The following CDH4 variants were observed in gnomAD, a reference collection of about 807,000 sequenced individuals.
CDH4 encodes cadherin-4.
In CDH4, 33 loss-of-function variants were observed where a neutral mutation model predicts 86.0. The observed-to-expected ratio is 0.38, with a 90% CI of 0.29 to 0.51. The LOEUF is 0.51. Among genes scored for constraint, CDH4 ranks in the 20% least tolerant of loss-of-function variants. CDH4 has a pLI of 0.86. For synonymous variants in CDH4, 555 were observed against 549.4 expected (o/e 1.01, Z -0.14); for missense variants, 1,114 against 1,307.4 (o/e 0.85, Z 2.28).
intron 2 of CDH4, among the ~76,000 whole-genome samples, chr20:61,523,184 A>C (rs1433554286): frequency 1.3e-5 from 2 of 152,190 alleles, no homozygotes; most frequent in Non-Finnish European, 2.9e-5. Context: ...TCCATGCCAG[A>C]ACGGTGCCTC....
At chr20:61,422,966 A>G (rs1173643183) in intron 2 of CDH4, among the ~76,000 whole-genome samples, 1 of 152,148 alleles carries the variant, frequency 6.6e-6, no homozygotes, top group Non-Finnish European at 1.5e-5. Flanking sequence ...TTGGGCTTAA[A>G]ACCTTACACG....
intron 4 of CDH4, among the ~76,000 whole-genome samples, chr20:61,836,230 G>A (rs1359012984): frequency 3.9e-5 from 6 of 152,316 alleles, no homozygotes; most frequent in Admixed American, 6.5e-5. Flanking sequence ...TGACGCCCCC[G>A]GAGTGAACTG....
chr20:61,313,015 C>T (rs1281277806), intron 2 of CDH4, among the ~76,000 whole-genome samples: 1 of 152,176 alleles, frequency 6.6e-6, no homozygotes, highest in Non-Finnish European at 1.5e-5. Context: ...TTGCGGTGAG[C>T]CCTTCCCTAT....
chr20:61,276,924 G>A (rs2084234447), intron 2 of CDH4, among the ~76,000 whole-genome samples: 1 of 152,162 alleles, frequency 6.6e-6, no homozygotes, highest in South Asian at 2.1e-4. Context: ...GGATCCTAGA[G>A]ACTCTCAGGT....
intron 9 of CDH4, 64 bp downstream of exon 9, chr20:61,910,671 CCAGT>C (rs1160509697): frequency 2.8e-6 from 4 of 1,420,652 alleles, no homozygotes; most frequent in Non-Finnish European, 4.0e-6. Context: ...CTCCCTAGGA[CCAGT>C]CAAACAGGAG....
At position 61,777,796 on chromosome 20, in the gene CDH4, A is replaced by G. The variant is rs994423354; in HGVS notation, c.576+4614A>G. On this transcript the variant is annotated intron_variant, in intron 4 of 15. Transcript: ENST00000614565. ...CAAAAACACACATCCACATGCGCAC[A>G]CACGTGCATACAAAAACACACATCC... Among the ~76,000 whole-genome samples the G allele has an allele frequency of 3.0e-4, 45 of 151,872 alleles. 1 individual carries two copies. The highest frequency in any genetic ancestry group is 5.2e-4 in the Non-Finnish European group (35 of 67,920).
chr20:61,482,362 T>A (rs2085572796), intron 2 of CDH4, among the ~76,000 whole-genome samples: 2 of 152,194 alleles, frequency 1.3e-5, no homozygotes, highest in Non-Finnish European at 2.9e-5. Flanking sequence ...ACCACACAGA[T>A]CTTTCTGGCA....
At chr20:61,566,134 G>A (rs140052522) in intron 2 of CDH4, among the ~76,000 whole-genome samples, 41 of 152,232 alleles carry the variant, frequency 2.7e-4, no homozygotes, top group Admixed American at 1.5e-3. Context: ...TCTCGTCCCC[G>A]ACAGACTCAC....
rs537981773 is a variant in CDH4 at position 61,857,365 on chromosome 20, C to T, written c.877+4467C>T. On this transcript the variant is annotated intron_variant, in intron 6 of 15. Transcript: ENST00000614565. ...TGGGAGAAGGCCCTGCTGGGTGACCCGCAGACCCGTACCACAGACGTTTTC... is the reference window on the plus strand; with the variant it reads ...TGGGAGAAGGCCCTGCTGGGTGACCTGCAGACCCGTACCACAGACGTTTTC... Among the ~76,000 whole-genome samples the T allele has an allele frequency of 3.9e-5, 6 of 152,370 alleles. No individual in the cohort carries two copies. In the East Asian group the frequency reaches 5.8e-4, roughly 15 times the overall value.
chr20:61,444,345 G>A (rs375149916), intron 2 of CDH4, among the ~76,000 whole-genome samples: 9 of 10,750 alleles, frequency 8.4e-4, no homozygotes, highest in South Asian at 3.2e-3. Flanking sequence ...CTCTGTGTGT[G>A]TCTGTGTATA....
At chr20:61,363,678 G>A (rs1449581551) in intron 2 of CDH4, among the ~76,000 whole-genome samples, 1 of 152,148 alleles carries the variant, frequency 6.6e-6, no homozygotes, top group East Asian at 1.9e-4. Flanking sequence ...CAGGCCAGAA[G>A]GTGAGAAAGT....
At chr20:61,338,204 C>T (rs904893473) in intron 2 of CDH4, among the ~76,000 whole-genome samples, 1 of 152,050 alleles carries the variant, frequency 6.6e-6, no homozygotes, top group African/African-American at 2.4e-5. Flanking sequence ...TTCAACTATT[C>T]ATTTTCTACA....
At chr20:61,522,090 C>T (rs1160450419) in intron 2 of CDH4, among the ~76,000 whole-genome samples, 2 of 152,234 alleles carry the variant, frequency 1.3e-5, no homozygotes, top group African/African-American at 4.8e-5. Context: ...CGCAGGCCTT[C>T]TCCTGAATTC....
intron 2 of CDH4, among the ~76,000 whole-genome samples, chr20:61,644,181 G>T (rs1211066014): frequency 2.6e-5 from 4 of 152,194 alleles, no homozygotes; most frequent in Non-Finnish European, 2.9e-5. Flanking sequence ...TGAATGAGCT[G>T]AGCTTTGCCA....
At chr20:61,356,962 A>G (rs756169432) in intron 2 of CDH4, among the ~76,000 whole-genome samples, 1 of 152,216 alleles carries the variant, frequency 6.6e-6, no homozygotes, top group Admixed American at 6.5e-5. Flanking sequence ...AAGGCAGCCC[A>G]TGTGCTAAGA....
intron 4 of CDH4, among the ~76,000 whole-genome samples, chr20:61,779,422 G>A (rs548328151): frequency 4.6e-5 from 7 of 152,336 alleles, no homozygotes; most frequent in South Asian, 4.1e-4. Context: ...CGGAGCCTGC[G>A]AGGTGCTTAG....
chr20:61,559,244 G>A lies in CDH4; in HGVS notation c.170-184319G>A, dbSNP rs1319224390. 1.3e-5 allele frequency among the ~76,000 whole-genome samples: 2 copies of A among 152,134 alleles called. 1 individual carries two copies. The highest frequency in any genetic ancestry group is 2.9e-5 in the Non-Finnish European group (2 of 68,032). ...GAGGCAGGAGAATTGCCTGAGCCTGGGAAACGGAGGTTGCAGTAAGCCAAG... is the reference window on the plus strand; with the variant it reads ...GAGGCAGGAGAATTGCCTGAGCCTGAGAAACGGAGGTTGCAGTAAGCCAAG... On this transcript the variant is annotated intron_variant, in intron 2 of 15. Transcript: ENST00000614565.
chr20:61,538,481 C>T (rs1477620086), intron 2 of CDH4, among the ~76,000 whole-genome samples: 1 of 152,236 alleles, frequency 6.6e-6, no homozygotes, highest in Non-Finnish European at 1.5e-5. Context: ...CTCCTGACCT[C>T]ATCCTTCCCT....
Position 61,383,384 on chromosome 20 carries a change from T to C in CDH4, c.169+128447T>C, listed in dbSNP as rs1277038358. Among the ~76,000 whole-genome samples the C allele has an allele frequency of 2.2e-5, 2 of 89,104 alleles. 1 individual carries two copies. Among genetic ancestry groups the C allele is most frequent in the African/African-American group, 1.1e-4 (2 of 17,522 alleles). The allele number at this position is 89,104 out of a possible 152,430, so 58.5% of individuals were successfully genotyped here. ...ATATATATGAATATATATGGATATATATGAATATATGATATATATGAATAT... is the reference window on the plus strand; with the variant it reads ...ATATATATGAATATATATGGATATACATGAATATATGATATATATGAATAT... On this transcript the variant is annotated intron_variant, in intron 2 of 15. Coordinates refer to ENST00000614565, the MANE Select transcript of CDH4 (RefSeq NM_001794.5).
Sources: gnomAD v4.1 joint callset for allele counts (sites outside exome capture counted in the v4.1 genomes callset) on GRCh38, gnomAD v4.1.1 for gene constraint, MANE v1.5 for transcripts, NCBI Gene and HGNC (gene_info 2026-07-23, HGNC 2026-07-21) for gene names.